CLTCL1: variants seen among roughly 807,000 people sequenced by gnomAD.
CLTCL1 encodes the protein clathrin heavy chain like 1.
CLTCL1 carries 159 observed loss-of-function variants against 190.0 expected under a neutral mutation model. The ratio of observed to expected loss-of-function variants is 0.84; its 90% CI spans 0.74 to 0.95. The LOEUF is 0.95. Among genes scored for constraint, CLTCL1 ranks in the 40% least tolerant of loss-of-function variants. The pLI, the probability that CLTCL1 is intolerant of heterozygous loss-of-function variation, is 0.00. For missense variants in CLTCL1, 1,878 were observed against 2,033.4 expected, an observed-to-expected ratio of 0.92 and a Z score of 1.47; for synonymous variants, 752 against 769.6, an observed-to-expected ratio of 0.98 and a Z score of 0.38.
chr22:19,275,675 G>T lies in CLTCL1; in HGVS notation c.198C>A (p.Ile66=). The change falls in exon 2 of 33, where the codon ATC becomes ATA. Residue 66 remains isoleucine (I), a synonymous_variant. Coordinates refer to ENST00000427926, the MANE Select transcript of CLTCL1 (RefSeq NM_007098.4). Reference sequence around the variant, plus strand: ...GATTCATGATGGCACTCTCTGCAGAGATAGGCCGTCGGATCGGAGCCATTG... The same window carrying T: ...GATTCATGATGGCACTCTCTGCAGATATAGGCCGTCGGATCGGAGCCATTG... ...SDPMAPIRRP[I]SAESAIMNPA... The T allele has an allele frequency of 6.2e-7, 1 of 1,606,946 alleles. No individual in the cohort carries two copies. The highest frequency in any genetic ancestry group is 2.2e-5 in the East Asian group (1 of 44,680).
intron 1 of CLTCL1, among the ~76,000 whole-genome samples, chr22:19,280,145 T>C (rs2087654249): frequency 6.6e-6 from 1 of 152,208 alleles, no homozygotes. Flanking sequence ...AAGATAAATG[T>C]ACACAAATAA....
At chr22:19,270,041 T>C (rs1320277265) in intron 2 of CLTCL1, among the ~76,000 whole-genome samples, 5 of 151,894 alleles carry the variant, frequency 3.3e-5, no homozygotes, top group South Asian at 2.1e-4. Context: ...GCAATATTCT[T>C]AATAGCTAAA....
chr22:19,208,309 T>C lies in CLTCL1; in HGVS notation c.3445A>G (p.Asn1149Asp), dbSNP rs1555944259. 6.2e-7 allele frequency: 1 copy of C among 1,613,348 alleles called. No homozygotes were observed. Among genetic ancestry groups the C allele is most frequent in the Non-Finnish European group, 8.5e-7 (1 of 1,179,818 alleles). ...EVVQSASRSN[N>D]WEDLVKFLQM... ...AGAAATTTAACTAGATCCTCCCAGT[T>C]GTCTAAAGACAGAAAACAAAGATAG... The change falls in exon 22 of 33, where the codon AAC becomes GAC. Residue 1149 changes from asparagine (N) to aspartate (D), a missense_variant and splice_region_variant. Transcript: ENST00000427926.
chr22:19,282,723 G>C (rs1021422716), intron 1 of CLTCL1, among the ~76,000 whole-genome samples: 1 of 151,894 alleles, frequency 6.6e-6, no homozygotes, highest in South Asian at 2.1e-4. Flanking sequence ...TACTCATTTA[G>C]CCAGGAATGC....
intron 26 of CLTCL1, among the ~76,000 whole-genome samples, chr22:19,192,748 C>T (rs535017488): frequency 6.6e-6 from 1 of 152,304 alleles, no homozygotes; most frequent in East Asian, 1.9e-4. Flanking sequence ...GATTCTGACC[C>T]AGACAGGCAG....
In CLTCL1 at chr22:19,291,658, CGG is replaced by C; in HGVS notation, c.-19_-18del. ...CTGCGCCATGGCTGGTGCGGGACCT[CGG>C]CGGCGGCGGCGGCAGCGGCAGGAAT... On this transcript the variant is annotated 5_prime_UTR_variant, in exon 1 of 33. Coordinates refer to ENST00000427926, the MANE Select transcript of CLTCL1 (RefSeq NM_007098.4). The C allele has an allele frequency of 7.5e-7, 1 of 1,334,266 alleles. No homozygotes were observed. The highest frequency in any genetic ancestry group is 9.7e-7 in the Non-Finnish European group (1 of 1,032,686). The allele number at this position is 1,334,266 out of a possible 1,614,324, so 82.7% of individuals were successfully genotyped here. A position where few individuals can be genotyped will look rare whatever the true frequency, so the allele number is the denominator to read the frequency against.
Position 19,227,277 on chromosome 22 carries a change from C to CTT in CLTCL1, c.1783-896_1783-895dup, listed in dbSNP as rs11375007. On this transcript the variant is annotated intron_variant, in intron 11 of 32. Transcript: ENST00000427926. The stretch of plus-strand genomic sequence containing the variant: ...AAACAATTTTGATGAGGCATAAAAT[C>CTT]TTTTTTTTTTTTTTTTTTTTGAGAC... 2.1e-3 allele frequency among the ~76,000 whole-genome samples: 253 copies of CTT among 121,054 alleles called. 3 individuals carry two copies. The highest frequency in any genetic ancestry group is 5.6e-3 in the African/African-American group (180 of 32,190). The allele number at this position is 121,054 out of a possible 152,430, so 79.4% of individuals were successfully genotyped here. A position where few individuals can be genotyped will look rare whatever the true frequency, so the allele number is the denominator to read the frequency against.
At chr22:19,204,005 G>C (rs1475204131) in intron 22 of CLTCL1, among the ~76,000 whole-genome samples, 2 of 152,194 alleles carry the variant, frequency 1.3e-5, no homozygotes, top group African/African-American at 4.8e-5. Flanking sequence ...CTTTGCACTT[G>C]CCTTGCCCAC....
intron 2 of CLTCL1, among the ~76,000 whole-genome samples, chr22:19,255,593 G>A (rs1352695713): frequency 7.3e-5 from 11 of 151,268 alleles, no homozygotes; most frequent in African/African-American, 2.7e-4. Flanking sequence ...TGAGATACTA[G>A]CAGCAAACAA....
rs1555961621 is a variant in CLTCL1 at position 19,235,693 on chromosome 22, C to A, written c.969+3G>T. On this transcript the variant is annotated splice_donor_region_variant and intron_variant, in intron 6 of 32. Transcript: ENST00000427926. ...TAGAAAATGAAATGTCAGAGTTACA[C>A]ACCTGTCCCTTTTTGTTGACACCAA... 2 of 1,611,752 alleles carry A rather than the reference C, an allele frequency of 1.2e-6. No individual in the cohort carries two copies. The highest frequency in any genetic ancestry group is 1.7e-5 in the Admixed American group (1 of 59,730).
At chr22:19,229,341 G>C (rs112593447) in intron 11 of CLTCL1, among the ~76,000 whole-genome samples, 1 of 152,148 alleles carries the variant, frequency 6.6e-6, no homozygotes, top group Non-Finnish European at 1.5e-5. Context: ...CAGGTAAAAG[G>C]ACAAATATTT....
intron 19 of CLTCL1, among the ~76,000 whole-genome samples, chr22:19,212,977 T>C (rs2085280551): frequency 6.6e-6 from 1 of 152,232 alleles, no homozygotes; most frequent in African/African-American, 2.4e-5. Context: ...AGTTTATGAA[T>C]TGGACTTTAT....
rs545406655 is a variant in CLTCL1 at position 19,244,887 on chromosome 22, G to T, written c.520-1951C>A. 3.5e-4 allele frequency among the ~76,000 whole-genome samples: 53 copies of T among 152,268 alleles called. 1 individual carries two copies. The South Asian group carries it at 0.011, about 32-fold the overall frequency. ...TGCCAGGCACCATGCTAGGGGCCAG[G>T]GATAAGTAAAATATGACACAGGTCC... is the stretch of plus-strand genomic sequence containing the variant. On this transcript the variant is annotated intron_variant, in intron 3 of 32. Transcript: ENST00000427926.
At position 19,210,401 on chromosome 22, in the gene CLTCL1, G is replaced by A. The variant is rs782538992; in HGVS notation, c.3174C>T (p.Ile1058=). 26 of 1,613,910 alleles carry A rather than the reference G, an allele frequency of 1.6e-5. No individual in the cohort carries two copies. Among genetic ancestry groups the A allele is most frequent in the Non-Finnish European group, 1.9e-5 (23 of 1,179,900 alleles). The part of the protein sequence containing the change: ...DNYDALDIAS[I]AVSSALYEEA... ...CCTCATACAGTGCGCTGCTGACAGC[G>A]ATGCTCGCGATGTCCAGTGCGTCAT... Residue 1058 remains isoleucine (I), a synonymous_variant, in exon 20 of 33, where the codon ATC becomes ATT. Transcript: ENST00000427926.
intron 22 of CLTCL1, among the ~76,000 whole-genome samples, chr22:19,205,733 C>T (rs1006444972): frequency 1.3e-5 from 2 of 152,054 alleles, no homozygotes; most frequent in East Asian, 1.9e-4. Context: ...TGATATTTTC[C>T]TTTATGCTTT....
chr22:19,237,961 G>A (rs1014667233), intron 5 of CLTCL1, among the ~76,000 whole-genome samples: 5 of 152,124 alleles, frequency 3.3e-5, no homozygotes, highest in African/African-American at 1.2e-4. Flanking sequence ...GAACAAAAGA[G>A]TAAAAAGGAG....
chr22:19,226,532 G>T, intron 11 of CLTCL1, 149 bp from the exon 12 acceptor site: 1 of 823,378 alleles, frequency 1.2e-6, no homozygotes, highest in Non-Finnish European at 1.9e-6. Flanking sequence ...GGTGGCAGCA[G>T]TGCTTGTGGG....
intron 10 of CLTCL1, among the ~76,000 whole-genome samples, chr22:19,232,090 A>G (rs1479235002): frequency 6.6e-6 from 1 of 152,196 alleles, no homozygotes; most frequent in Non-Finnish European, 1.5e-5. Flanking sequence ...AGACACCCAC[A>G]GGATGAACAT....
At chr22:19,285,739 G>A (rs1354636723) in intron 1 of CLTCL1, among the ~76,000 whole-genome samples, 3 of 152,178 alleles carry the variant, frequency 2.0e-5, no homozygotes, top group East Asian at 1.9e-4. Context: ...TCTCAGTGAA[G>A]AAGCAAAGGA....
Sources: gnomAD v4.1 joint callset for allele counts (sites outside exome capture counted in the v4.1 genomes callset) on GRCh38, gnomAD v4.1.1 for gene constraint, MANE v1.5 for transcripts, NCBI Gene and HGNC (gene_info 2026-07-23, HGNC 2026-07-21) for gene names.